The following CTNNBL1 variants were observed in gnomAD, a reference collection of about 807,000 sequenced individuals.
CTNNBL1 encodes catenin beta like 1, also known as beta-catenin-like protein 1.
A neutral mutation model predicts 72.7 loss-of-function variants in CTNNBL1; 31 were observed. The observed-to-expected ratio is 0.43, with a 90% CI of 0.32 to 0.58. The LOEUF is 0.58. Ranked by LOEUF, CTNNBL1 falls within the 20% of genes least tolerant of loss-of-function variation. The pLI is 0.08. For missense variants in CTNNBL1, 534 were observed against 725.1 expected, an observed-to-expected ratio of 0.74 and a Z score of 3.03; for synonymous variants, 240 against 267.3, an observed-to-expected ratio of 0.90 and a Z score of 1.00.
chr20:37,696,745 G>A (rs1013863086), intron 1 of CTNNBL1, among the ~76,000 whole-genome samples: 2 of 151,856 alleles, frequency 1.3e-5, no homozygotes, highest in African/African-American at 2.4e-5. Flanking sequence ...CCCTGGCCAC[G>A]TGAAAATAAT....
chr20:37,812,002 G>T (rs1296345908), intron 11 of CTNNBL1, among the ~76,000 whole-genome samples: 1 of 152,186 alleles, frequency 6.6e-6, no homozygotes, highest in Non-Finnish European at 1.5e-5. Context: ...TGGCTCCAGT[G>T]GTCTTCTGGT....
intron 10 of CTNNBL1, among the ~76,000 whole-genome samples, chr20:37,780,697 T>G (rs2073618176): frequency 6.6e-6 from 1 of 152,194 alleles, no homozygotes; most frequent in South Asian, 2.1e-4. Flanking sequence ...TGACCATTTT[T>G]GTGTTTAAAA....
intron 15 of CTNNBL1, among the ~76,000 whole-genome samples, chr20:37,862,587 G>A (rs952294875): frequency 2.6e-5 from 4 of 152,168 alleles, no homozygotes; most frequent in Non-Finnish European, 5.9e-5. Context: ...TGGATACTGA[G>A]TGGATGATTG....
intron 1 of CTNNBL1, among the ~76,000 whole-genome samples, chr20:37,730,770 A>C (rs1038680510): frequency 4.6e-5 from 7 of 152,204 alleles, no homozygotes; most frequent in Non-Finnish European, 1.0e-4. Context: ...GGAGCCCAGA[A>C]GTTCAGGTCC....
In CTNNBL1 at chr20:37,781,868, A is replaced by G. The variant is rs965371844; in HGVS notation, c.1031+2533A>G. The stretch of plus-strand genomic sequence containing the variant: ...CATCAGACAGTTGTGAAATGCCCAC[A>G]TGGAGAGGTGGCAGTATGGAGCAGG... On this transcript the variant is annotated intron_variant, in intron 10 of 15. Coordinates refer to ENST00000361383, the MANE Select transcript of CTNNBL1 (RefSeq NM_030877.5). 3.3e-5 allele frequency among the ~76,000 whole-genome samples: 5 copies of G among 152,268 alleles called. No individual in the cohort carries two copies. In the East Asian group the frequency reaches 9.7e-4, roughly 29 times the overall value.
At chr20:37,845,090 A>G (rs2072336127) in intron 13 of CTNNBL1, among the ~76,000 whole-genome samples, 1 of 152,106 alleles carries the variant, frequency 6.6e-6, no homozygotes, top group South Asian at 2.1e-4. Context: ...TTCTTGTGTA[A>G]TTTTTTAGTA....
rs150982113 is a variant in CTNNBL1 at position 37,746,591 on chromosome 20, C to T, written c.450C>T (p.Leu150=). The stretch of plus-strand genomic sequence containing the variant: ...CTGTACAGTCGCTTCTCGGCTTGCT[C>T]GGACACGATAATACAGATATCCTTT... The part of the protein sequence containing the change: ...LNAVQSLLGL[L]GHDNTDVSIA... The change falls in exon 4 of 16, where the codon CTC becomes CTT. Residue 150 remains leucine (L), a synonymous_variant. Transcript: ENST00000361383. The T allele has an allele frequency of 3.0e-5, 48 of 1,613,940 alleles. No homozygotes were observed. Among genetic ancestry groups the T allele is most frequent in the Admixed American group, 1.0e-4 (6 of 60,006 alleles).
chr20:37,705,695 T>C (rs2072879430), intron 1 of CTNNBL1, among the ~76,000 whole-genome samples: 1 of 152,230 alleles, frequency 6.6e-6, no homozygotes, highest in Non-Finnish European at 1.5e-5. Flanking sequence ...TACTAAGATA[T>C]CTCAGTTTTC....
intron 11 of CTNNBL1, among the ~76,000 whole-genome samples, chr20:37,838,458 AAAG>A (rs372991224): frequency 2.1e-4 from 32 of 152,236 alleles, no homozygotes; most frequent in African/African-American, 7.0e-4. Flanking sequence ...GGGATGTGAG[AAAG>A]AAGAGAATCA....
chr20:37,845,787 A>G (rs1453554383), intron 13 of CTNNBL1, among the ~76,000 whole-genome samples: 1 of 152,028 alleles, frequency 6.6e-6, no homozygotes, highest in Non-Finnish European at 1.5e-5. Flanking sequence ...CTTGAATTGA[A>G]TGCTTATTTT....
intron 13 of CTNNBL1, among the ~76,000 whole-genome samples, chr20:37,855,751 C>G (rs1355000833): frequency 6.6e-6 from 1 of 152,194 alleles, no homozygotes; most frequent in Non-Finnish European, 1.5e-5. Context: ...ACTCTGTAGC[C>G]CATCATATCT....
intron 11 of CTNNBL1, among the ~76,000 whole-genome samples, chr20:37,824,064 A>C (rs375335780): frequency 2.0e-5 from 3 of 152,222 alleles, no homozygotes; most frequent in Non-Finnish European, 4.4e-5. Context: ...CCAGGGCACA[A>C]AGTCAGTTTA....
rs760269515 is a variant in CTNNBL1, at chr20:37,840,206, G to A, written c.1311+7G>A. 67 of 1,587,820 alleles carry A rather than the reference G, an allele frequency of 4.2e-5. No individual in the cohort carries two copies. The highest frequency in any genetic ancestry group is 6.1e-6 in the Non-Finnish European group (7 of 1,156,968). ...TGAAAATGACAGTGAGAAGGTGGGT[G>A]ACTGTTGGACTGTAAAGCTGGGACC... On this transcript the variant is annotated splice_region_variant and intron_variant, in intron 12 of 15. Coordinates refer to ENST00000361383, the MANE Select transcript of CTNNBL1 (RefSeq NM_030877.5).
At chr20:37,840,481 G>T (rs1321394901) in intron 12 of CTNNBL1, among the ~76,000 whole-genome samples, 1 of 152,224 alleles carries the variant, frequency 6.6e-6, no homozygotes. Context: ...TTTGTTGAGG[G>T]CTGCTGCACA....
intron 3 of CTNNBL1, among the ~76,000 whole-genome samples, chr20:37,745,861 T>C (rs531397114): frequency 6.6e-6 from 1 of 152,318 alleles, no homozygotes; most frequent in East Asian, 1.9e-4. Flanking sequence ...GGCATAGGTT[T>C]GTTGAAAGGT....
chr20:37,706,241 A>T (rs1356652160), intron 1 of CTNNBL1, among the ~76,000 whole-genome samples: 1 of 152,174 alleles, frequency 6.6e-6, no homozygotes, highest in African/African-American at 2.4e-5. Context: ...ATTTCTTAAG[A>T]CAACGATGAA....
chr20:37,843,297 TTCTTAAAGATACACTTGAGGC>T (rs1343683691), intron 13 of CTNNBL1, among the ~76,000 whole-genome samples: 2 of 152,224 alleles, frequency 1.3e-5, no homozygotes, highest in Non-Finnish European at 2.9e-5. Context: ...TTTCAGTCTT[TTCTTAAAGATACACTTGAGGC>T]TTTTGAACTT....
chr20:37,835,071 C>T (rs1442760345), intron 11 of CTNNBL1, among the ~76,000 whole-genome samples: 6 of 152,130 alleles, frequency 3.9e-5, no homozygotes, highest in Admixed American at 3.9e-4. Context: ...TCATAGAAGT[C>T]AAAATTGAGC....
At chr20:37,857,342 T>G (rs2072451770) in intron 13 of CTNNBL1, among the ~76,000 whole-genome samples, 1 of 152,230 alleles carries the variant, frequency 6.6e-6, no homozygotes, top group African/African-American at 2.4e-5. Flanking sequence ...GTGCAGGGCC[T>G]AGCAGTCTGC....
Sources: allele counts gnomAD v4.1 joint callset (sites outside exome capture counted in the v4.1 genomes callset), GRCh38; gene constraint gnomAD v4.1.1; transcripts MANE v1.5; gene names NCBI Gene and HGNC (gene_info 2026-07-23, HGNC 2026-07-21).